The following KIRREL3 variants were observed in gnomAD, a reference collection of about 807,000 sequenced individuals.
The protein encoded by KIRREL3 is kirre like nephrin family adhesion molecule 3.
Under a neutral mutation model 89.7 loss-of-function variants are expected in KIRREL3, and 36 were observed. The ratio of observed to expected loss-of-function variants is 0.40; its 90% CI spans 0.31 to 0.53. The LOEUF is 0.53. KIRREL3 is among the 20% of genes least tolerant of loss of function. The pLI is 0.49. For missense variants in KIRREL3, 864 were observed against 1,056.6 expected, an observed-to-expected ratio of 0.82 and a Z score of 2.53; for synonymous variants, 445 against 441.4, an observed-to-expected ratio of 1.01 and a Z score of -0.10.
intron 1 of KIRREL3, among the ~76,000 whole-genome samples, chr11:126,573,224 G>A (rs552379604): frequency 4.1e-4 from 63 of 152,294 alleles, no homozygotes; most frequent in African/African-American, 1.3e-3. Flanking sequence ...GCGTTGCCTC[G>A]CGGGGTGGGT....
rs1946548126 is a variant in KIRREL3 at position 126,683,503 on chromosome 11, C to T, written c.56-120591G>A. On this transcript the variant is annotated intron_variant, in intron 1 of 16. Coordinates refer to ENST00000525144, the MANE Select transcript of KIRREL3 (RefSeq NM_032531.4). The surrounding 1 kb of genome is among the most constrained non-coding windows in gnomAD (Gnocchi z 5.2). ...TGACTTTAGGAAAGTCACTAGACTT[C>T]TTTAACCATTTCTTTCTTATCTGCA... Among the ~76,000 whole-genome samples the T allele has an allele frequency of 1.3e-5, 2 of 152,192 alleles. No homozygotes were observed. The highest frequency in any genetic ancestry group is 1.3e-4 in the Admixed American group (2 of 15,280).
intron 1 of KIRREL3, among the ~76,000 whole-genome samples, chr11:126,850,572 G>A (rs1013201353): frequency 6.6e-6 from 1 of 152,176 alleles, no homozygotes; most frequent in African/African-American, 2.4e-5. Flanking sequence ...GGTTCCCTGT[G>A]CCTTCCACAG....
chr11:126,722,606 T>C (rs1451785974), intron 1 of KIRREL3, among the ~76,000 whole-genome samples: 1 of 152,230 alleles, frequency 6.6e-6, no homozygotes, highest in Non-Finnish European at 1.5e-5. Context: ...AACTGAGTAG[T>C]TGCAAAAAAG....
chr11:126,503,084 G>A (rs552339229), intron 4 of KIRREL3, among the ~76,000 whole-genome samples: 9 of 152,212 alleles, frequency 5.9e-5, no homozygotes, highest in African/African-American at 2.2e-4. Context: ...TTCCTCCCTC[G>A]TTCTTGCCAC....
chr11:126,613,218 T>C (rs1389932022), intron 1 of KIRREL3, among the ~76,000 whole-genome samples: 1 of 152,208 alleles, frequency 6.6e-6, no homozygotes, highest in Non-Finnish European at 1.5e-5. Flanking sequence ...TATACATCAT[T>C]TCAGGGGTCC....
chr11:126,463,176 C>T lies in KIRREL3; in HGVS notation c.723G>A (p.Ser241=), dbSNP rs369116661. Reference sequence around the variant, plus strand: ...ACTCACGCTGGATGTCAATGGTGACCGACGTCTCCTTTCCTCCGGGGATGG... The same window carrying T: ...ACTCACGCTGGATGTCAATGGTGACTGACGTCTCCTTTCCTCCGGGGATGG... ...NKAIPGGKET[S]VTIDIQHPPL... Residue 241 remains serine, a synonymous_variant, in exon 6 of 17, where the codon TCG becomes TCA. Coordinates refer to ENST00000525144, the MANE Select transcript of KIRREL3 (RefSeq NM_032531.4). The surrounding 1 kb of genome is among the most constrained non-coding windows in gnomAD (Gnocchi z 5.9). 3.7e-4 allele frequency: 598 copies of T among 1,613,392 alleles called. 3 individuals are homozygous for T. Among genetic ancestry groups the T allele is most frequent in the South Asian group, 9.8e-4 (89 of 91,014 alleles).
chr11:126,670,216 A>G (rs1356628279), intron 1 of KIRREL3, among the ~76,000 whole-genome samples: 2 of 152,218 alleles, frequency 1.3e-5, no homozygotes, highest in African/African-American at 4.8e-5. Context: ...AGCAGGCATA[A>G]TGATTTTAAA....
rs188735966 is a variant in KIRREL3 at position 126,917,741 on chromosome 11, G to A, written c.55+82714C>T. Among the ~76,000 whole-genome samples the A allele has an allele frequency of 6.6e-6, 1 of 152,264 alleles. No homozygotes were observed. Among genetic ancestry groups the A allele is most frequent in the Non-Finnish European group, 1.5e-5 (1 of 68,012 alleles). ...ACTAGAAACCAATAGTGAGGTGGTT[G>A]CCACTATTTCCATTGGCAACCAATA... is the stretch of plus-strand genomic sequence containing the variant. On this transcript the variant is annotated intron_variant, in intron 1 of 16. Transcript: ENST00000525144. This position sits in a 1 kb window ranked among gnomAD's most constrained non-coding sequence, Gnocchi z 5.0.
intron 1 of KIRREL3, among the ~76,000 whole-genome samples, chr11:126,756,607 C>T (rs1949511364): frequency 6.6e-6 from 1 of 152,244 alleles, no homozygotes; most frequent in Non-Finnish European, 1.5e-5. Flanking sequence ...GAGCCATCTG[C>T]TCATCTTGGC....
chr11:126,458,588 T>A (rs1210074655), intron 6 of KIRREL3, among the ~76,000 whole-genome samples: 2 of 152,182 alleles, frequency 1.3e-5, no homozygotes, highest in Admixed American at 1.3e-4. Flanking sequence ...TGTGCTGGTG[T>A]CTGCAGGCAC....
chr11:126,453,941 G>T (rs1180720952), intron 7 of KIRREL3, among the ~76,000 whole-genome samples: 1 of 152,176 alleles, frequency 6.6e-6, no homozygotes, highest in Non-Finnish European at 1.5e-5. Flanking sequence ...GTGAGCTCCA[G>T]GGGAGTACGA....
rs748313416 is a variant in KIRREL3 at position 126,877,145 on chromosome 11, G to A, written c.55+123310C>T. Among the ~76,000 whole-genome samples the A allele has an allele frequency of 1.1e-4, 17 of 152,140 alleles. No homozygotes were observed. The highest frequency in any genetic ancestry group is 2.1e-4 in the Non-Finnish European group (14 of 68,020). On this transcript the variant is annotated intron_variant, in intron 1 of 16. Transcript: ENST00000525144. The surrounding 1 kb of genome is among the most constrained non-coding windows in gnomAD (Gnocchi z 4.9). ...ATGAGAAAGAGGAGGACAAGCAGACGTTCAGCTCTGTTAAGAGACCATTGA... is the reference window on the plus strand; with the variant it reads ...ATGAGAAAGAGGAGGACAAGCAGACATTCAGCTCTGTTAAGAGACCATTGA...
intron 1 of KIRREL3, among the ~76,000 whole-genome samples, chr11:126,833,988 G>A (rs552895794): frequency 6.6e-5 from 10 of 152,274 alleles, no homozygotes; most frequent in African/African-American, 9.6e-5. Flanking sequence ...TGCTCTCAGC[G>A]TCCCTGTCTC....
intron 1 of KIRREL3, among the ~76,000 whole-genome samples, chr11:126,650,457 A>G (rs1944866108): frequency 6.6e-6 from 1 of 152,110 alleles, no homozygotes; most frequent in Admixed American, 6.6e-5. Context: ...TGCTCCTTAG[A>G]AATTTCTTCC....
intron 1 of KIRREL3, among the ~76,000 whole-genome samples, chr11:126,629,448 C>T (rs1291004429): frequency 1.3e-5 from 2 of 152,152 alleles, no homozygotes; most frequent in East Asian, 3.9e-4. Context: ...GGGCCTCTCA[C>T]GATACTTTTC....
rs780486021 is a variant in KIRREL3, at chr11:126,683,150, C to T, written c.56-120238G>A. 4.6e-5 allele frequency among the ~76,000 whole-genome samples: 7 copies of T among 152,102 alleles called. No homozygotes were observed. The highest frequency in any genetic ancestry group is 1.9e-4 in the East Asian group (1 of 5,192). ...CAATTACAAGCGTGAGCCACAGCAC[C>T]GGGTTACTTTGTTACTCTTTAGGGG... On this transcript the variant is annotated intron_variant, in intron 1 of 16. Coordinates refer to ENST00000525144, the MANE Select transcript of KIRREL3 (RefSeq NM_032531.4). This position sits in a 1 kb window ranked among gnomAD's most constrained non-coding sequence, Gnocchi z 5.2.
At position 126,474,176 on chromosome 11, in the gene KIRREL3, T is replaced by C. The variant is rs1485900576; in HGVS notation, c.434-710A>G. Among the ~76,000 whole-genome samples, 1 of 152,212 alleles carries C rather than the reference T, an allele frequency of 6.6e-6. No individual in the cohort carries two copies. The highest frequency in any genetic ancestry group is 1.9e-4 in the East Asian group (1 of 5,196). On this transcript the variant is annotated intron_variant, in intron 4 of 16. Transcript: ENST00000525144. The surrounding 1 kb of genome is among the most constrained non-coding windows in gnomAD (Gnocchi z 6.7). ...GTTGGCCAGGCTGGTCTCGAACTCC[T>C]GACCTCAGGTAATCCACCCGCCTCA... is the stretch of plus-strand genomic sequence containing the variant.
At chr11:126,711,107 AAC>A (rs2134144484) in intron 1 of KIRREL3, among the ~76,000 whole-genome samples, 1 of 152,316 alleles carries the variant, frequency 6.6e-6, no homozygotes, top group East Asian at 1.9e-4. Flanking sequence ...TCAGGTTACC[AAC>A]AGTGACTGCA....
chr11:126,442,274 A>C (rs56338041), intron 10 of KIRREL3, among the ~76,000 whole-genome samples: 4 of 72,584 alleles, frequency 5.5e-5, no homozygotes, highest in Admixed American at 1.6e-4. Context: ...AAAAAAAAAC[A>C]AAAAAAAAAC....
Sources: gnomAD v4.1 joint callset for allele counts (sites outside exome capture counted in the v4.1 genomes callset) on GRCh38, gnomAD v4.1.1 for gene constraint, Gnocchi (gnomAD v3.1) non-coding constraint, MANE v1.5 for transcripts, NCBI Gene and HGNC (gene_info 2026-07-23, HGNC 2026-07-21) for gene names.